Variants in NRG1 observed in about 807,000 individuals in gnomAD.
The protein encoded by NRG1 is pro-neuregulin-1, membrane-bound isoform.
NRG1 carries 18 observed loss-of-function variants against 63.8 expected under a neutral mutation model. The observed-to-expected ratio is 0.28, with a 90% CI of 0.19 to 0.42. NRG1 has a LOEUF of 0.42. NRG1 is among the 10% of genes least tolerant of loss of function. The pLI, the probability that NRG1 is intolerant of heterozygous loss-of-function variation, is 1.00. For missense variants in NRG1, 762 were observed against 814.7 expected (o/e 0.94, Z 0.79); for synonymous variants, 302 against 301.3 (o/e 1.00, Z -0.02).
chr8:32,530,459 G>A (rs1486853703), intron 1 of NRG1, among the ~76,000 whole-genome samples: 1 of 152,152 alleles, frequency 6.6e-6, no homozygotes. Flanking sequence ...CCACGGTTTA[G>A]AGTATGGAAA....
intron 1 of NRG1, among the ~76,000 whole-genome samples, chr8:32,103,164 T>C (rs1830790258): frequency 6.6e-6 from 1 of 152,184 alleles, no homozygotes. Context: ...TTTAACCATC[T>C]CTACCTCTCC....
In NRG1 at chr8:32,720,763, A is replaced by G. The variant is rs1436242809; in HGVS notation, c.503-7186A>G. Among the ~76,000 whole-genome samples, 6 of 152,254 alleles carry G rather than the reference A, an allele frequency of 3.9e-5. No homozygotes were observed. In the East Asian group the frequency reaches 1.2e-3, roughly 29 times the overall value. On this transcript the variant is annotated intron_variant, in intron 5 of 11. Transcript: ENST00000356819. ...GTTTCTCCTGAGAAATAGTAGACTT[A>G]GGATGATTAGACTGTGCCATGAGTA...
chr8:32,090,641 A>G (rs548675955), intron 1 of NRG1, among the ~76,000 whole-genome samples: 17 of 152,276 alleles, frequency 1.1e-4, no homozygotes, highest in Admixed American at 7.9e-4. Flanking sequence ...TATTTTTGAA[A>G]CTATGAGCTT....
intron 1 of NRG1, among the ~76,000 whole-genome samples, chr8:32,157,164 A>C (rs1252164560): frequency 6.7e-6 from 1 of 150,360 alleles, no homozygotes; most frequent in African/African-American, 2.5e-5. Context: ...TGAAGTCAGG[A>C]GTTCAAGACC....
At chr8:32,004,277 G>C (rs925859897) in intron 1 of NRG1, among the ~76,000 whole-genome samples, 1 of 151,830 alleles carries the variant, frequency 6.6e-6, no homozygotes, top group African/African-American at 2.4e-5. Context: ...GTAGAACACA[G>C]GGCATATTGA....
intron 1 of NRG1, among the ~76,000 whole-genome samples, chr8:32,001,067 C>T (rs548837752): frequency 8.4e-4 from 128 of 152,058 alleles, no homozygotes; most frequent in Non-Finnish European, 1.5e-3. Flanking sequence ...TCATTTCCCT[C>T]TACCATGTTC....
intron 1 of NRG1, among the ~76,000 whole-genome samples, chr8:32,252,896 G>A (rs1273322619): frequency 1.3e-5 from 2 of 152,100 alleles, no homozygotes; most frequent in Admixed American, 6.5e-5. Context: ...AGTTCTCCTT[G>A]AAGACGTCCT....
intron 1 of NRG1, among the ~76,000 whole-genome samples, chr8:31,789,825 G>C (rs1820527049): frequency 2.0e-5 from 3 of 152,096 alleles, no homozygotes; most frequent in East Asian, 3.8e-4. Flanking sequence ...TTCATATGCA[G>C]CCTGAAATGC....
At chr8:32,356,383 G>A (rs931021322) in intron 1 of NRG1, among the ~76,000 whole-genome samples, 1 of 151,860 alleles carries the variant, frequency 6.6e-6, no homozygotes, top group African/African-American at 2.4e-5. Flanking sequence ...GAGTTTAGCT[G>A]GGAAAATATG....
At chr8:32,125,095 G>A (rs866044493) in intron 1 of NRG1, among the ~76,000 whole-genome samples, 1 of 151,966 alleles carries the variant, frequency 6.6e-6, no homozygotes, top group Middle Eastern at 3.4e-3. Flanking sequence ...CAACATGTGA[G>A]GACATAGCAT....
At chr8:32,480,667 T>G (rs1587888135) in intron 1 of NRG1, among the ~76,000 whole-genome samples, 1 of 152,184 alleles carries the variant, frequency 6.6e-6, no homozygotes. Context: ...ACTATAAAGG[T>G]AGCGTGGTGC....
chr8:32,077,801 G>C (rs1161202772), intron 1 of NRG1, among the ~76,000 whole-genome samples: 1 of 152,136 alleles, frequency 6.6e-6, no homozygotes, highest in South Asian at 2.1e-4. Flanking sequence ...GTTTCTCTAT[G>C]AGAAGGGTAG....
chr8:32,375,454 T>G (rs2129483005), intron 1 of NRG1, among the ~76,000 whole-genome samples: 1 of 152,332 alleles, frequency 6.6e-6, no homozygotes, highest in South Asian at 2.1e-4. Context: ...AGCATATTTT[T>G]ACTTAGTCCT....
intron 1 of NRG1, among the ~76,000 whole-genome samples, chr8:31,921,631 T>C (rs985299102): frequency 1.3e-5 from 2 of 152,152 alleles, no homozygotes; most frequent in Admixed American, 1.3e-4. Context: ...TTAGGATTAA[T>C]TGCAGCAAAG....
intron 5 of NRG1, among the ~76,000 whole-genome samples, chr8:32,639,086 C>A (rs529566408): frequency 6.4e-4 from 97 of 152,166 alleles, no homozygotes; most frequent in African/African-American, 2.3e-3. Context: ...AAGACATTTT[C>A]TCTGGCTAAG....
At chr8:31,997,184 C>CTT (rs56256338) in intron 1 of NRG1, among the ~76,000 whole-genome samples, 1,674 of 137,418 alleles carry the variant, frequency 0.012, 20 homozygotes, top group African/African-American at 0.018. Context: ...ATAGTGTAAC[C>CTT]TTTTTTTTTT....
At chr8:31,792,214 A>G (rs1820786342) in intron 1 of NRG1, among the ~76,000 whole-genome samples, 1 of 152,238 alleles carries the variant, frequency 6.6e-6, no homozygotes, top group African/African-American at 2.4e-5. Flanking sequence ...CCTAGAACAC[A>G]TATATTAATA....
At chr8:32,517,120 T>C (rs1233307562) in intron 1 of NRG1, among the ~76,000 whole-genome samples, 1 of 152,180 alleles carries the variant, frequency 6.6e-6, no homozygotes, top group Admixed American at 6.6e-5. Context: ...ATTTGGGGCT[T>C]ATTTTACCTT....
At chr8:32,207,407 C>T (rs920985621) in intron 1 of NRG1, among the ~76,000 whole-genome samples, 6 of 151,984 alleles carry the variant, frequency 3.9e-5, no homozygotes, top group African/African-American at 1.2e-4. Context: ...TATTTGAGTG[C>T]CATTGCTTGA....
Sources: gnomAD v4.1 joint callset for allele counts (sites outside exome capture counted in the v4.1 genomes callset) on GRCh38, gnomAD v4.1.1 for gene constraint, MANE v1.5 for transcripts, NCBI Gene and HGNC (gene_info 2026-07-23, HGNC 2026-07-21) for gene names.